Variants in ZNF827 observed in about 807,000 individuals in gnomAD.
The protein encoded by ZNF827 is zinc finger protein 827.
Under a neutral mutation model 102.4 loss-of-function variants are expected in ZNF827, and 13 were observed. That is an observed-to-expected ratio of 0.13 (90% confidence interval 0.08 to 0.20). ZNF827 has a LOEUF of 0.20. Among genes scored for constraint, ZNF827 ranks in the 10% least tolerant of loss-of-function variants. The pLI is 1.00. For missense variants in ZNF827, 1,103 were observed against 1,344.4 expected (o/e 0.82, Z 2.81); for synonymous variants, 523 against 536.2 (o/e 0.98, Z 0.34).
intron 10 of ZNF827, 27 bp from the exon 11 acceptor site, chr4:145,774,699 G>T: frequency 1.9e-6 from 3 of 1,605,888 alleles, no homozygotes; most frequent in African/African-American, 1.3e-5. Context: ...AAGAAAAGAG[G>T]GGGAGAGAAA....
intron 4 of ZNF827, among the ~76,000 whole-genome samples, chr4:145,874,056 T>C (rs923670682): frequency 6.6e-6 from 1 of 151,516 alleles, no homozygotes; most frequent in Non-Finnish European, 1.5e-5. Flanking sequence ...CAGGAGCAAA[T>C]CCCAACTTCT....
chr4:145,868,196 G>A (rs962191917), intron 5 of ZNF827, among the ~76,000 whole-genome samples: 1 of 152,136 alleles, frequency 6.6e-6, no homozygotes, highest in East Asian at 1.9e-4. Flanking sequence ...CCTGACCATG[G>A]CCACTAGAGT....
chr4:145,858,790 C>A (rs535752182), intron 5 of ZNF827, among the ~76,000 whole-genome samples: 1 of 152,206 alleles, frequency 6.6e-6, no homozygotes, highest in African/African-American at 2.4e-5. Flanking sequence ...CAGAGGGATT[C>A]CTTAATGCCC....
intron 2 of ZNF827, among the ~76,000 whole-genome samples, chr4:145,899,097 C>T (rs1384031396): frequency 6.6e-6 from 1 of 151,990 alleles, no homozygotes; most frequent in Non-Finnish European, 1.5e-5. Flanking sequence ...AACTCTTTTC[C>T]CTGCTGTGAG....
chr4:145,907,876 A>G (rs1241730827), intron 1 of ZNF827, among the ~76,000 whole-genome samples: 1 of 152,246 alleles, frequency 6.6e-6, no homozygotes, highest in Non-Finnish European at 1.5e-5. Flanking sequence ...CAATGGTGCA[A>G]TTACAGAATG....
At chr4:145,913,981 T>C (rs993473489) in intron 1 of ZNF827, among the ~76,000 whole-genome samples, 2 of 152,198 alleles carry the variant, frequency 1.3e-5, no homozygotes, top group Admixed American at 6.5e-5. Flanking sequence ...TTCTACAGTC[T>C]AAGAAATAGC....
rs1734797645 is a variant in ZNF827 at position 145,763,246 on chromosome 4, A to T, written c.3231-124T>A. The T allele has an allele frequency of 6.0e-6, 6 of 992,570 alleles. No individual in the cohort carries two copies. Among genetic ancestry groups the T allele is most frequent in the Non-Finnish European group, 8.8e-6 (6 of 681,140 alleles). The allele number at this position is 992,570 out of a possible 1,614,324, so 61.5% of individuals were successfully genotyped here. On this transcript the variant is annotated intron_variant, in intron 13 of 14. Transcript: ENST00000508784. This position sits in a 1 kb window ranked among gnomAD's most constrained non-coding sequence, Gnocchi z 4.6. ...ATCAGCAGTCTGTTTCATTTTAAGGACATTTCTGTGACCCACAGCTCAATC... is the reference window on the plus strand; with the variant it reads ...ATCAGCAGTCTGTTTCATTTTAAGGTCATTTCTGTGACCCACAGCTCAATC...
chr4:145,769,389 C>T (rs1735906190), intron 11 of ZNF827, among the ~76,000 whole-genome samples: 1 of 152,138 alleles, frequency 6.6e-6, no homozygotes, highest in African/African-American at 2.4e-5. Flanking sequence ...TACTGCAACT[C>T]CATCTTCTAA....
rs1421241910 is a variant in ZNF827 at position 145,762,273 on chromosome 4, C to T, written c.*18-675G>A. On this transcript the variant is annotated intron_variant, in intron 14 of 14. Transcript: ENST00000508784. This position sits in a 1 kb window ranked among gnomAD's most constrained non-coding sequence, Gnocchi z 4.9. ...CTTTGTCAGGAAAGGAAGCTGAGGA[C>T]TATGGCAGGGGCATGGGAGGAGAAG... Among the ~76,000 whole-genome samples, 1 of 152,064 alleles carries T rather than the reference C, an allele frequency of 6.6e-6. No homozygotes were observed. Among genetic ancestry groups the T allele is most frequent in the Admixed American group, 6.5e-5 (1 of 15,280 alleles).
intron 1 of ZNF827, among the ~76,000 whole-genome samples, chr4:145,936,529 G>T (rs904364229): frequency 2.6e-5 from 4 of 152,158 alleles, no homozygotes; most frequent in Non-Finnish European, 1.5e-5. Flanking sequence ...GAAAGAAAGA[G>T]GAATGTTTGC....
chr4:145,872,732 A>G (rs1203615206), intron 4 of ZNF827, among the ~76,000 whole-genome samples: 31 of 151,628 alleles, frequency 2.0e-4, no homozygotes, highest in Non-Finnish European at 8.8e-5. Context: ...CAAATAAGCC[A>G]GACGTGGTGG....
chr4:145,849,243 T>C, intron 6 of ZNF827, 79 bp downstream of exon 6: 1 of 1,523,140 alleles, frequency 6.6e-7, no homozygotes, highest in Non-Finnish European at 8.8e-7. Context: ...TCAGGTTTTT[T>C]TTTTTAAAAA....
intron 7 of ZNF827, among the ~76,000 whole-genome samples, chr4:145,842,999 A>G (rs1745571451): frequency 6.6e-6 from 1 of 152,148 alleles, no homozygotes; most frequent in South Asian, 2.1e-4. Flanking sequence ...TAATCCACAC[A>G]CTGATCTTGT....
chr4:145,794,893 A>C (rs187128761), intron 8 of ZNF827, among the ~76,000 whole-genome samples: 228 of 152,302 alleles, frequency 1.5e-3, no homozygotes, highest in African/African-American at 5.4e-3. Flanking sequence ...TTAAAAAGTG[A>C]GTTTTCAAAG....
chr4:145,770,027 G>C (rs1172860238), intron 11 of ZNF827, among the ~76,000 whole-genome samples: 1 of 152,276 alleles, frequency 6.6e-6, no homozygotes, highest in East Asian at 1.9e-4. Context: ...GCTGGGTGCC[G>C]TGGCTCACGC....
At chr4:145,831,786 G>C (rs1042744447) in intron 7 of ZNF827, 3 of 152,202 alleles carry the variant, frequency 2.0e-5, no homozygotes, top group African/African-American at 7.2e-5. Flanking sequence ...GGAGGAAAAA[G>C]GACGGGTAAA....
Position 145,885,763 on chromosome 4 carries a change from G to T in ZNF827, c.1662C>A (p.Ser554=). 6.2e-7 allele frequency: 1 copy of T among 1,606,604 alleles called. No homozygotes were observed. Among genetic ancestry groups the T allele is most frequent in the South Asian group, 1.1e-5 (1 of 89,376 alleles). ...PANHTKLKDP[S]EYVANSASAL... is the part of the protein sequence containing the mutation. ...CTGACGCACTGTTGGCCACATACTC[G>T]GAGGGGTCTTTCAGCTTTGTGTGGT... is the stretch of plus-strand genomic sequence containing the variant. The change falls in exon 4 of 15, where the codon TCC becomes TCA. Residue 554 remains serine (S), a synonymous_variant. Coordinates refer to ENST00000508784, the MANE Select transcript of ZNF827 (RefSeq NM_001306215.2).
Position 145,910,595 on chromosome 4 carries a change from T to C in ZNF827, c.44-7380A>G, listed in dbSNP as rs142553006. Among the ~76,000 whole-genome samples, 1,141 of 152,328 alleles carry C rather than the reference T, an allele frequency of 7.5e-3. 13 individuals are homozygous for C. Among genetic ancestry groups the C allele is most frequent in the African/African-American group, 0.025 (1,039 of 41,578 alleles). On this transcript the variant is annotated intron_variant, in intron 1 of 14. Transcript: ENST00000508784. The stretch of plus-strand genomic sequence containing the variant: ...GTGCTGTCATCCCCCACCTGTACTA[T>C]GGCAGTAGCCTTCCAACTGGTCTCC...
At chr4:145,888,397 A>G (rs1455586079) in intron 3 of ZNF827, among the ~76,000 whole-genome samples, 1 of 152,240 alleles carries the variant, frequency 6.6e-6, no homozygotes, top group Non-Finnish European at 1.5e-5. Context: ...TCTCTAAAGC[A>G]CGTCATTCTC....
Sources: gnomAD v4.1 joint callset for allele counts (sites outside exome capture counted in the v4.1 genomes callset) on GRCh38, gnomAD v4.1.1 for gene constraint, Gnocchi (gnomAD v3.1) non-coding constraint, MANE v1.5 for transcripts, NCBI Gene and HGNC (gene_info 2026-07-23, HGNC 2026-07-21) for gene names.